Variants in ANKRD13C observed in about 807,000 individuals in gnomAD.
ANKRD13C encodes the protein ankyrin repeat domain 13C.
ANKRD13C carries 16 observed loss-of-function variants against 65.5 expected under a neutral mutation model. The ratio of observed to expected loss-of-function variants is 0.24; its 90% CI spans 0.17 to 0.37. ANKRD13C has a LOEUF of 0.37. Among genes scored for constraint, ANKRD13C ranks in the 10% least tolerant of loss-of-function variants. The pLI is 1.00. For synonymous variants in ANKRD13C, 235 were observed against 238.7 expected (o/e 0.98, Z 0.14); for missense variants, 503 against 655.9 (o/e 0.77, Z 2.55).
chr1:70,351,295 G>A (rs1234957063), intron 1 of ANKRD13C, among the ~76,000 whole-genome samples: 3 of 152,264 alleles, frequency 2.0e-5, no homozygotes, highest in Middle Eastern at 3.4e-3. Flanking sequence ...TGTAATACAT[G>A]GTATAATTGT....
At chr1:70,339,643 T>G (rs1346694931) in intron 1 of ANKRD13C, among the ~76,000 whole-genome samples, 1 of 151,966 alleles carries the variant, frequency 6.6e-6, no homozygotes, top group East Asian at 1.9e-4. Flanking sequence ...TATGTGCATT[T>G]TGACAAACTA....
intron 2 of ANKRD13C, among the ~76,000 whole-genome samples, chr1:70,333,089 T>C (rs1477506778): frequency 6.6e-6 from 1 of 152,180 alleles, no homozygotes; most frequent in Non-Finnish European, 1.5e-5. Flanking sequence ...ACCATTAAAA[T>C]AGATTTTAGA....
intron 3 of ANKRD13C, among the ~76,000 whole-genome samples, chr1:70,317,369 C>T (rs2101487666): frequency 6.6e-6 from 1 of 152,128 alleles, no homozygotes; most frequent in South Asian, 2.1e-4. Flanking sequence ...CAATGATATA[C>T]AGAAAATGAG....
At chr1:70,282,445 A>C (rs1679439868) in intron 9 of ANKRD13C, among the ~76,000 whole-genome samples, 1 of 152,196 alleles carries the variant, frequency 6.6e-6, no homozygotes, top group Admixed American at 6.5e-5. Context: ...GGATTAACCC[A>C]CAGAGCAGAG....
chr1:70,260,414 A>C lies in ANKRD13C; in HGVS notation c.*2303T>G, dbSNP rs1678349839. Among the ~76,000 whole-genome samples the C allele has an allele frequency of 6.6e-6, 1 of 152,078 alleles. No individual in the cohort carries two copies. The highest frequency in any genetic ancestry group is 1.5e-5 in the Non-Finnish European group (1 of 67,990). ...TACGATTGTCCCCCTACCAATTTAA[A>C]CAGTTTCAAAATCACAAATGGAGAA... is the stretch of plus-strand genomic sequence containing the variant. On this transcript the variant is annotated 3_prime_UTR_variant, in exon 13 of 13. Transcript: ENST00000370944.
intron 7 of ANKRD13C, among the ~76,000 whole-genome samples, chr1:70,298,419 C>T (rs1458346144): frequency 6.6e-6 from 1 of 152,050 alleles, no homozygotes; most frequent in Admixed American, 6.6e-5. Context: ...GTATTCTCTG[C>T]CCTAAGGAAT....
intron 7 of ANKRD13C, among the ~76,000 whole-genome samples, chr1:70,298,829 C>T (rs1680201849): frequency 6.6e-6 from 1 of 152,134 alleles, no homozygotes; most frequent in Admixed American, 6.5e-5. Flanking sequence ...CTGCTTTTAA[C>T]AACAGCAGAG....
rs549138319 is a variant in ANKRD13C, at chr1:70,297,386, C to T, written c.922-1125G>A. Among the ~76,000 whole-genome samples, 523 of 149,446 alleles carry T rather than the reference C, an allele frequency of 3.5e-3. 3 individuals carry two copies. The highest frequency in any genetic ancestry group is 0.012 in the African/African-American group (481 of 40,724). Reference sequence around the variant, plus strand: ...TCAGCTCACTGCAAGCTCCTCCTCCCGGGTTCACACCATTCTCCTGCCTCA... The same window carrying T: ...TCAGCTCACTGCAAGCTCCTCCTCCTGGGTTCACACCATTCTCCTGCCTCA... On this transcript the variant is annotated intron_variant, in intron 7 of 12. Transcript: ENST00000370944.
At chr1:70,344,694 A>G (rs1682454115) in intron 1 of ANKRD13C, among the ~76,000 whole-genome samples, 1 of 152,072 alleles carries the variant, frequency 6.6e-6, no homozygotes, top group Admixed American at 6.6e-5. Flanking sequence ...CATGACACAA[A>G]AATTTATATT....
chr1:70,334,547 A>G (rs1681936102), intron 2 of ANKRD13C, among the ~76,000 whole-genome samples: 1 of 152,102 alleles, frequency 6.6e-6, no homozygotes, highest in South Asian at 2.1e-4. Context: ...GGATCACTTG[A>G]GCTCAGGAGT....
At chr1:70,297,764 T>A (rs1256226718) in intron 7 of ANKRD13C, among the ~76,000 whole-genome samples, 2 of 148,252 alleles carry the variant, frequency 1.3e-5, no homozygotes, top group Non-Finnish European at 3.0e-5. Flanking sequence ...AAAAAAAAAA[T>A]TAGCCGGGCA....
chr1:70,298,677 T>C (rs1371505119), intron 7 of ANKRD13C, among the ~76,000 whole-genome samples: 1 of 152,218 alleles, frequency 6.6e-6, no homozygotes, highest in Non-Finnish European at 1.5e-5. Flanking sequence ...GCTATCCTGT[T>C]GTCATTTCAT....
rs559030923 is a variant in ANKRD13C, at chr1:70,261,647, T to C, written c.*1070A>G. On this transcript the variant is annotated 3_prime_UTR_variant, in exon 13 of 13. Coordinates refer to ENST00000370944, the MANE Select transcript of ANKRD13C (RefSeq NM_030816.5). ...AAAATAATAGGAGTAATCAATCTTG[T>C]GTATACTTCTGGACTTTAACTTGTA... The C allele has an allele frequency of 1.3e-5, 2 of 152,638 alleles. No individual in the cohort carries two copies. The highest frequency in any genetic ancestry group is 1.3e-4 in the Admixed American group (2 of 15,290). The allele number at this position is 152,638 out of a possible 1,614,324, so 9.5% of individuals were successfully genotyped here.
At chr1:70,295,229 A>ATTTATT (rs936780586) in intron 8 of ANKRD13C, among the ~76,000 whole-genome samples, 1 of 151,730 alleles carries the variant, frequency 6.6e-6, no homozygotes, top group Non-Finnish European at 1.5e-5. Context: ...AGCTCATTCA[A>ATTTATT]TTTATTTTTA....
intron 8 of ANKRD13C, among the ~76,000 whole-genome samples, chr1:70,295,425 T>C (rs1425210546): frequency 6.6e-6 from 1 of 151,926 alleles, no homozygotes; most frequent in East Asian, 1.9e-4. Context: ...TTTTTGTATT[T>C]TTAGTAGAGA....
At chr1:70,295,972 A>T (rs1365877844) in intron 8 of ANKRD13C, among the ~76,000 whole-genome samples, 158 bp downstream of exon 8, 1 of 152,220 alleles carries the variant, frequency 6.6e-6, no homozygotes, top group African/African-American at 2.4e-5. Context: ...TTCTGACTCT[A>T]ACCATCCATT....
intron 12 of ANKRD13C, among the ~76,000 whole-genome samples, chr1:70,267,178 C>T (rs1678665101): frequency 6.6e-6 from 1 of 151,988 alleles, no homozygotes; most frequent in African/African-American, 2.4e-5. Flanking sequence ...TAAATAATGT[C>T]CCTCTCTGTC....
At chr1:70,286,687 C>T (rs993116836) in intron 9 of ANKRD13C, among the ~76,000 whole-genome samples, 1 of 152,064 alleles carries the variant, frequency 6.6e-6, no homozygotes, top group African/African-American at 2.4e-5. Context: ...AAGTAATATA[C>T]AAAAGACTAC....
chr1:70,292,457 A>G lies in ANKRD13C; in HGVS notation c.1146T>C (p.Asp382=). 4 of 1,609,934 alleles carry G rather than the reference A, an allele frequency of 2.5e-6. No homozygotes were observed. The highest frequency in any genetic ancestry group is 2.5e-6 in the Non-Finnish European group (3 of 1,178,672). Residue 382 remains aspartate, a synonymous_variant, in exon 9 of 13, where the codon GAT becomes GAC. Coordinates refer to ENST00000370944, the MANE Select transcript of ANKRD13C (RefSeq NM_030816.5). ...CCATGATGGCCTTATTTCGAAGAATATCCTCTTCACTGAGATGTTCTCTTC... is the reference window on the plus strand; with the variant it reads ...CCATGATGGCCTTATTTCGAAGAATGTCCTCTTCACTGAGATGTTCTCTTC... ...RKRREHLSEE[D]ILRNKAIMES...
Sources: allele counts gnomAD v4.1 joint callset (sites outside exome capture counted in the v4.1 genomes callset), GRCh38; gene constraint gnomAD v4.1.1; transcripts MANE v1.5; gene names NCBI Gene and HGNC (gene_info 2026-07-23, HGNC 2026-07-21).